The following PRCD variants were observed in gnomAD, a reference collection of about 807,000 sequenced individuals.
PRCD encodes the protein photoreceptor disk component PRCD.
A neutral mutation model predicts 10.1 loss-of-function variants in PRCD; 12 were observed. The observed-to-expected ratio is 1.18, with a 90% confidence interval of 0.76 to 1.92. PRCD has a LOEUF of 1.92. PRCD is among the 40% of genes most tolerant of loss of function. The pLI, the probability that PRCD is intolerant of heterozygous loss-of-function variation, is 0.00. For synonymous variants in PRCD, 31 were observed against 26.2 expected, an observed-to-expected ratio of 1.18 and a Z score of -0.56; for missense variants, 61 against 72.2, an observed-to-expected ratio of 0.84 and a Z score of 0.56.
At position 76,528,676 on chromosome 17, in the gene PRCD, A is replaced by AGGGGGAGGACCTGGGGC; in HGVS notation, n.45+844_45+860dup. ...AGGCAGGGAAGGACCCTCGGGGGAA[A>AGGGGGAGGACCTGGGGC]GGGGGAGGACCTGGGGCTGGCGAGG... On this transcript the variant is annotated intron_variant and non_coding_transcript_variant, in intron 1 of 4. Coordinates refer to the PRCD transcript ENST00000397633. The surrounding 1 kb of genome is among the most constrained non-coding windows in gnomAD (Gnocchi z 5.8). 1 of 1,237,886 alleles carries AGGGGGAGGACCTGGGGC rather than the reference A, an allele frequency of 8.1e-7. No homozygotes were observed. Among genetic ancestry groups the AGGGGGAGGACCTGGGGC allele is most frequent in the Non-Finnish European group, 1.0e-6 (1 of 976,752 alleles). 76.7% of individuals were successfully genotyped at this position (1,237,886 alleles called of 1,614,324 possible).
chr17:76,538,370 G>A (rs2074947657), upstream of PRCD: 1 of 365,382 alleles, frequency 2.7e-6, no homozygotes, highest in Non-Finnish European at 5.6e-6. Context: ...CCGGCTGTCG[G>A]AACTTGAGCG....
At chr17:76,535,824 G>A (rs1196331317), upstream of PRCD, among the ~76,000 whole-genome samples, 6 of 152,186 alleles carry the variant, frequency 3.9e-5, no homozygotes, top group Non-Finnish European at 5.9e-5. Context: ...TGATGTGGAC[G>A]GTGAGCACTT....
chr17:76,531,803 G>A lies in PRCD; in HGVS notation n.45+3970G>A, dbSNP rs184466615. On this transcript the variant is annotated intron_variant and non_coding_transcript_variant, in intron 1 of 4. Transcript: ENST00000397633. This position sits in a 1 kb window ranked among gnomAD's most constrained non-coding sequence, Gnocchi z 7.4. ...GTGGACCGCAGTGCTCCCCACCCCC[G>A]CACCGTCACTGTTTTCACTACCATC... The A allele has an allele frequency of 4.7e-4, 393 of 839,204 alleles. 2 individuals carry two copies. In the African/African-American group the frequency reaches 6.1e-3, roughly 13 times the overall value. 52.0% of individuals were successfully genotyped at this position (839,204 alleles called of 1,614,324 possible).
chr17:76,540,250 T>TGGGGGGG lies in PRCD; in HGVS notation c.74+35_74+36insGGGGGGG. ...TGACCGGGCTATGGCTGGCGGTTGG[T>TGGGGGGG]CGGGGGGGGGGGGCATGGGGCTGGG... On this transcript the variant is annotated intron_variant, in intron 1 of 4. Transcript: ENST00000592014. This position sits in a 1 kb window ranked among gnomAD's most constrained non-coding sequence, Gnocchi z 5.0. 2.2e-6 allele frequency: 1 copy of TGGGGGGG among 463,674 alleles called. No individual in the cohort carries two copies. 28.7% of individuals were successfully genotyped at this position (463,674 alleles called of 1,614,324 possible). A position where few individuals can be genotyped will look rare whatever the true frequency, so the allele number is the denominator to read the frequency against.
At chr17:76,549,939 TTTTGTTTTTTTG>T (rs2075090595), downstream of PRCD, 1 of 152,092 alleles carries the variant, frequency 6.6e-6, no homozygotes, top group South Asian at 2.1e-4. Context: ...GTAAGAAGGT[TTTTGTTTTTTTG>T]TTTGTTTTTT....
chr17:76,541,656 G>C (rs899882253), intron 2 of PRCD, among the ~76,000 whole-genome samples: 23 of 152,164 alleles, frequency 1.5e-4, no homozygotes, highest in Non-Finnish European at 1.9e-4. Flanking sequence ...AGGCCAGCTG[G>C]CATCATCATA....
rs1316205447 is a variant in PRCD at position 76,530,367 on chromosome 17, C to T, written n.45+2534C>T. On this transcript the variant is annotated intron_variant and non_coding_transcript_variant, in intron 1 of 4. Coordinates refer to the PRCD transcript ENST00000397633. The surrounding 1 kb of genome is among the most constrained non-coding windows in gnomAD (Gnocchi z 6.1). ...GAGGGCGGCCACCCTCCTTGAGCCA[C>T]CTCCTGGGCCCAGAACTGGAAGCCC... 6.6e-6 allele frequency among the ~76,000 whole-genome samples: 1 copy of T among 152,142 alleles called. No individual in the cohort carries two copies. Among genetic ancestry groups the T allele is most frequent in the Non-Finnish European group, 1.5e-5 (1 of 68,010 alleles).
At chr17:76,549,273 GGAAA>G (rs1185743305), downstream of PRCD, among the ~76,000 whole-genome samples, 3 of 152,186 alleles carry the variant, frequency 2.0e-5, no homozygotes, top group African/African-American at 4.8e-5. Context: ...AAAAAAGTGG[GGAAA>G]GATTTTAATA....
Position 76,540,208 on chromosome 17 carries a change from G to T in PRCD, c.67G>T (p.Val23Phe), listed in dbSNP as rs1194786605. The change falls in exon 1 of 5, where the codon GTC becomes TTC. Residue 23 changes from valine (V) to phenylalanine (F), a missense_variant. Physicochemically the swap from Val to Phe is conservative, Grantham distance 50 (BLOSUM62 -1). Transcript: ENST00000592014. This position sits in a 1 kb window ranked among gnomAD's most constrained non-coding sequence, Gnocchi z 5.0. The stretch of plus-strand genomic sequence containing the variant: ...CTGGCGCCGCCGATTTGCCAACCGA[G>T]TCCAACCGTGAGAAACTGACCGGGC... ...MLWRRRFANR[V>F]QPEPSDVDGA... is the part of the protein sequence containing the mutation. 1.4e-6 allele frequency: 2 copies of T among 1,413,862 alleles called. No homozygotes were observed. The highest frequency in any genetic ancestry group is 3.1e-5 in the African/African-American group (2 of 65,534). The allele number at this position is 1,413,862 out of a possible 1,614,324, so 87.6% of individuals were successfully genotyped here. A position where few individuals can be genotyped will look rare whatever the true frequency, so the allele number is the denominator to read the frequency against.
chr17:76,540,678 C>A lies in PRCD; in HGVS notation c.143+105C>A. 8.5e-7 allele frequency: 1 copy of A among 1,178,114 alleles called. No individual in the cohort carries two copies. Among genetic ancestry groups the A allele is most frequent in the Non-Finnish European group, 1.2e-6 (1 of 801,214 alleles). 73.0% of individuals were successfully genotyped at this position (1,178,114 alleles called of 1,614,324 possible). On this transcript the variant is annotated intron_variant, in intron 2 of 4. Coordinates refer to ENST00000592014, the MANE Select transcript of PRCD (RefSeq NM_001077620.3). This position sits in a 1 kb window ranked among gnomAD's most constrained non-coding sequence, Gnocchi z 5.0. ...GTGCCTGTGCGCGCCTGTGCGTGCACCGTATCCTGGCCCTTGCCCTAAGCA... is the reference window on the plus strand; with the variant it reads ...GTGCCTGTGCGCGCCTGTGCGTGCAACGTATCCTGGCCCTTGCCCTAAGCA...
upstream of PRCD, chr17:76,537,510 C>G: frequency 6.3e-7 from 1 of 1,576,644 alleles, no homozygotes; most frequent in Non-Finnish European, 8.6e-7. Context: ...GCTCCCTGCG[C>G]TCGATCTCCA....
At chr17:76,550,119 C>G (rs1238419402), downstream of PRCD, 1 of 151,960 alleles carries the variant, frequency 6.6e-6, no homozygotes, top group Admixed American at 6.6e-5. Context: ...CCACGCCCAG[C>G]TGATGTTTGT....
At chr17:76,541,197 AG>A (rs2074989004) in intron 2 of PRCD, among the ~76,000 whole-genome samples, 2 of 152,176 alleles carry the variant, frequency 1.3e-5, no homozygotes, top group South Asian at 4.1e-4. Context: ...GTTCGATGAT[AG>A]GGGCGCCTAT....
chr17:76,529,049 C>T, intron 1 of PRCD: 2 of 438,042 alleles, frequency 4.6e-6, no homozygotes, highest in Non-Finnish European at 5.9e-6. Flanking sequence ...ATTGCGCCCC[C>T]CCCCCACCCC....
In PRCD at chr17:76,544,470, C is replaced by T. The variant is rs1382328059; in HGVS notation, c.*820C>T. 1 of 455,504 alleles carries T rather than the reference C, an allele frequency of 2.2e-6. No individual in the cohort carries two copies. Among genetic ancestry groups the T allele is most frequent in the South Asian group, 1.6e-5 (1 of 64,502 alleles). The allele number at this position is 455,504 out of a possible 1,614,324, so 28.2% of individuals were successfully genotyped here. On this transcript the variant is annotated 3_prime_UTR_variant, in exon 5 of 5. Transcript: ENST00000592014. The stretch of plus-strand genomic sequence containing the variant: ...GAGGGCCTGCTGGTACCTCGGGGAG[C>T]CTGGCTGGGGTGTGTGCGAAGGCAG...
intron 1 of PRCD, chr17:76,529,282 A>T: frequency 1.0e-6 from 1 of 985,388 alleles, no homozygotes; most frequent in Non-Finnish European, 1.2e-6. Context: ...TAAAGGGATG[A>T]GGGGACCACC....
chr17:76,532,951 T>C (rs1317216553), intron 1 of PRCD, among the ~76,000 whole-genome samples: 1 of 152,058 alleles, frequency 6.6e-6, no homozygotes, highest in Non-Finnish European at 1.5e-5. Context: ...ATGTATGGAG[T>C]GGCCTGGACC....
chr17:76,541,242 T>TCA (rs2074989725), intron 2 of PRCD, among the ~76,000 whole-genome samples: 1 of 152,136 alleles, frequency 6.6e-6, no homozygotes, highest in South Asian at 2.1e-4. Context: ...CAGCAAATCT[T>TCA]TATGAAGTTC....
chr17:76,529,296 C>T, intron 1 of PRCD: 1 of 985,454 alleles, frequency 1.0e-6, no homozygotes, highest in Non-Finnish European at 1.2e-6. Context: ...GACCACCCCA[C>T]CACTTGACAG....
Sources: gnomAD v4.1 joint callset for allele counts (sites outside exome capture counted in the v4.1 genomes callset) on GRCh38, gnomAD v4.1.1 for gene constraint, Gnocchi (gnomAD v3.1) non-coding constraint, MANE v1.5 for transcripts, NCBI Gene and HGNC (gene_info 2026-07-23, HGNC 2026-07-21) for gene names.